MYLK4: variants seen among roughly 807,000 people sequenced by gnomAD.
The protein encoded by MYLK4 is myosin light chain kinase family member 4, also known as caMLCK like.
In MYLK4, 46 loss-of-function variants were observed where a neutral mutation model predicts 48.1. The ratio of observed to expected loss-of-function variants is 0.96; its 90% CI spans 0.75 to 1.22. The LOEUF is 1.22. MYLK4 is among the 50% of genes most tolerant of loss of function. The pLI is 0.00. For synonymous variants in MYLK4, 170 were observed against 180.8 expected, an observed-to-expected ratio of 0.94 and a Z score of 0.48; for missense variants, 451 against 486.1, an observed-to-expected ratio of 0.93 and a Z score of 0.68.
the MYLK4 span, chr6:2,766,345 G>T: frequency 6.2e-7 from 1 of 1,610,516 alleles, no homozygotes. Context: ...ATTACTTCGG[G>T]CAGAGCAAGG....
chr6:2,699,287 C>CTTTTTTTTTTTTTTTCTTTTT (rs1762189066), intron 2 of MYLK4, among the ~76,000 whole-genome samples: 1 of 77,894 alleles, frequency 1.3e-5, no homozygotes, highest in Non-Finnish European at 2.2e-5. Context: ...CTTTTCTTTT[C>CTTTTTTTTTTTTTTTCTTTTT]TTTTTTTTTT....
At chr6:2,769,107 G>C in the MYLK4 span, among the ~76,000 whole-genome samples, 1 of 152,112 alleles carries the variant, frequency 6.6e-6, no homozygotes, top group African/African-American at 2.4e-5. Context: ...GCATATCCCT[G>C]AGCTATACGT....
chr6:2,706,711 C>T (rs1397082292), intron 2 of MYLK4, among the ~76,000 whole-genome samples: 2 of 152,150 alleles, frequency 1.3e-5, no homozygotes, highest in Non-Finnish European at 2.9e-5. Context: ...GAGAGAGGTA[C>T]AGTATCACCC....
intron 2 of MYLK4, among the ~76,000 whole-genome samples, chr6:2,735,721 G>C (rs554125882): frequency 1.3e-5 from 2 of 152,180 alleles, no homozygotes; most frequent in African/African-American, 4.8e-5. Flanking sequence ...GTATGTAGTC[G>C]ATGCAAACTG....
chr6:2,731,643 G>T (rs1458939352), intron 2 of MYLK4, among the ~76,000 whole-genome samples: 1 of 152,084 alleles, frequency 6.6e-6, no homozygotes, highest in African/African-American at 2.4e-5. Context: ...CTTTTCCACT[G>T]CTGAATTCTC....
intron 2 of MYLK4, among the ~76,000 whole-genome samples, chr6:2,697,818 C>T (rs1354501942): frequency 3.3e-5 from 5 of 152,202 alleles, no homozygotes; most frequent in African/African-American, 1.2e-4. Flanking sequence ...GCATACGGAC[C>T]CTTCTCTTCC....
At chr6:2,694,332 C>A (rs912156890) in intron 2 of MYLK4, among the ~76,000 whole-genome samples, 7 of 148,166 alleles carry the variant, frequency 4.7e-5, no homozygotes, top group Non-Finnish European at 8.9e-5. Context: ...ATATCCCCAC[C>A]CCTGGTGTCC....
At chr6:2,767,464 C>T in the MYLK4 span, among the ~76,000 whole-genome samples, 1 of 152,208 alleles carries the variant, frequency 6.6e-6, no homozygotes, top group Non-Finnish European at 1.5e-5. Flanking sequence ...TAAGCACACC[C>T]CCTTTAACTC....
At chr6:2,765,738 G>T in the MYLK4 span, 1 of 1,526,238 alleles carries the variant, frequency 6.6e-7, no homozygotes. Context: ...CTGGACCGCT[G>T]TCTGCTGCTC....
chr6:2,766,801 A>C, the MYLK4 span, among the ~76,000 whole-genome samples: 1 of 151,990 alleles, frequency 6.6e-6, no homozygotes, highest in Non-Finnish European at 1.5e-5. Flanking sequence ...TTCGCAAGGA[A>C]TCAGCATGTT....
chr6:2,761,261 G>A, the MYLK4 span, among the ~76,000 whole-genome samples: 1 of 152,126 alleles, frequency 6.6e-6, no homozygotes, highest in Admixed American at 6.5e-5. Flanking sequence ...GCCAGCTGCA[G>A]ACAATTAAAC....
chr6:2,758,850 GAAT>G, the MYLK4 span, among the ~76,000 whole-genome samples: 1 of 152,054 alleles, frequency 6.6e-6, no homozygotes, highest in Non-Finnish European at 1.5e-5. Context: ...TTTGTTGTAT[GAAT>G]ATTACAAAAT....
the MYLK4 span, chr6:2,766,474 G>A: frequency 1.5e-3 from 2,157 of 1,476,290 alleles, 6 homozygotes; most frequent in South Asian, 5.2e-3. Context: ...TTGGGCTTCC[G>A]TAGTTATCTC....
chr6:2,704,535 A>G (rs1202881382), intron 2 of MYLK4, among the ~76,000 whole-genome samples: 1 of 152,138 alleles, frequency 6.6e-6, no homozygotes, highest in Non-Finnish European at 1.5e-5. Flanking sequence ...ATAAACATTC[A>G]TTTGCTTAGT....
intron 2 of MYLK4, among the ~76,000 whole-genome samples, chr6:2,734,307 G>C (rs1763581378): frequency 6.6e-6 from 1 of 152,168 alleles, no homozygotes; most frequent in African/African-American, 2.4e-5. Context: ...GCTGCGGTCT[G>C]TCAGCGTCTG....
intron 10 of MYLK4, among the ~76,000 whole-genome samples, chr6:2,677,912 A>G (rs1250366155): frequency 6.6e-6 from 1 of 152,196 alleles, no homozygotes; most frequent in Non-Finnish European, 1.5e-5. Flanking sequence ...GTAGAGGTGA[A>G]AGGAATCCTA....
intron 2 of MYLK4, among the ~76,000 whole-genome samples, chr6:2,730,812 A>G (rs1763451618): frequency 6.6e-6 from 1 of 152,190 alleles, no homozygotes; most frequent in African/African-American, 2.4e-5. Flanking sequence ...TTTTAAAAAG[A>G]AAATTCTTGA....
chr6:2,765,741 T>TAGC, the MYLK4 span: 1 of 1,515,184 alleles, frequency 6.6e-7, no homozygotes. Flanking sequence ...GACCGCTGTC[T>TAGC]GCTGCTCCAC....
intron 2 of MYLK4, among the ~76,000 whole-genome samples, chr6:2,711,899 A>G (rs1762687748): frequency 6.6e-6 from 1 of 152,252 alleles, no homozygotes; most frequent in Non-Finnish European, 1.5e-5. Context: ...CAAAATAACT[A>G]AAGCTCTTTC....
Sources: allele counts gnomAD v4.1 joint callset (sites outside exome capture counted in the v4.1 genomes callset), GRCh38; gene constraint gnomAD v4.1.1; transcripts MANE v1.5; gene names NCBI Gene and HGNC (gene_info 2026-07-23, HGNC 2026-07-21).